The following SYNCRIP variants were observed in gnomAD, a reference collection of about 807,000 sequenced individuals.
SYNCRIP encodes the protein heterogeneous nuclear ribonucleoprotein Q.
SYNCRIP carries 9 observed loss-of-function variants against 68.9 expected under a neutral mutation model. That is an observed-to-expected ratio of 0.13 (90% CI 0.08 to 0.23). The LOEUF (loss-of-function observed/expected upper bound fraction) is 0.23. Among genes scored for constraint, SYNCRIP ranks in the 10% least tolerant of loss-of-function variants. The pLI, the probability that SYNCRIP is intolerant of heterozygous loss-of-function variation, is 1.00. For synonymous variants in SYNCRIP, 258 were observed against 254.0 expected (o/e 1.02, Z -0.15); for missense variants, 414 against 770.6 (o/e 0.54, Z 5.48).
chr6:85,621,734 G>C (rs1806432966), intron 8 of SYNCRIP, among the ~76,000 whole-genome samples: 1 of 152,096 alleles, frequency 6.6e-6, no homozygotes. Flanking sequence ...GACTGCTGAA[G>C]TCAGGATACC....
At chr6:85,626,938 A>C (rs1004408400) in intron 6 of SYNCRIP, among the ~76,000 whole-genome samples, 1 of 152,170 alleles carries the variant, frequency 6.6e-6, no homozygotes, top group Non-Finnish European at 1.5e-5. Flanking sequence ...CTATAAAATA[A>C]ACTGCTGATT....
At chr6:85,631,080 C>T (rs371364859) in intron 6 of SYNCRIP, among the ~76,000 whole-genome samples, 3 of 152,072 alleles carry the variant, frequency 2.0e-5, no homozygotes, top group African/African-American at 2.4e-5. Context: ...CGGTGGCTCA[C>T]GCCTGTAATC....
In SYNCRIP at chr6:85,614,898, C is replaced by T. The variant is rs747288971; in HGVS notation, c.1730G>A (p.Arg577Gln). The change falls in exon 11 of 11, where the codon CGG becomes CAG. Residue 577 changes from arginine to glutamine, a missense_variant. Coordinates refer to ENST00000369622, the MANE Select transcript of SYNCRIP (RefSeq NM_006372.5). ...ADGYNQPDSK[R>Q]RQTNNQNWGS... ...CCAGTTCTGATTATTGGTCTGGCGC[C>T]GCTTGGAATCTGGCTGGTTGTACCC... 1 of 1,614,178 alleles carries T rather than the reference C, an allele frequency of 6.2e-7. No individual in the cohort carries two copies. Among genetic ancestry groups the T allele is most frequent in the Non-Finnish European group, 8.5e-7 (1 of 1,180,034 alleles).
intron 2 of SYNCRIP, 111 bp from the exon 3 acceptor site, chr6:85,640,675 T>C: frequency 3.4e-6 from 2 of 584,460 alleles, no homozygotes. Context: ...TCTACTCCCC[T>C]CATCTATACC....
intron 6 of SYNCRIP, among the ~76,000 whole-genome samples, chr6:85,627,706 TTA>T (rs1225287103): frequency 2.0e-5 from 3 of 152,176 alleles, no homozygotes; most frequent in African/African-American, 7.2e-5. Flanking sequence ...ACAAAAAGTC[TTA>T]TCTTTCCTAC....
At chr6:85,628,644 A>G (rs1433383520) in intron 6 of SYNCRIP, among the ~76,000 whole-genome samples, 2 of 152,196 alleles carry the variant, frequency 1.3e-5, no homozygotes, top group Non-Finnish European at 2.9e-5. Flanking sequence ...CTAATTTTCC[A>G]CTTCTAGACA....
chr6:85,634,657 G>A (rs1433961415), intron 6 of SYNCRIP, among the ~76,000 whole-genome samples: 15 of 152,040 alleles, frequency 9.9e-5, no homozygotes, highest in Non-Finnish European at 5.9e-5. Flanking sequence ...AGGACCCACA[G>A]TAGAGAGAGC....
chr6:85,611,359 G>T (rs1411524813), downstream of SYNCRIP: 1 of 152,546 alleles, frequency 6.6e-6, no homozygotes, highest in Non-Finnish European at 1.5e-5. Flanking sequence ...AATGCAAAAT[G>T]ATTGTTTGCC....
intron 2 of SYNCRIP, among the ~76,000 whole-genome samples, chr6:85,640,865 CAACA>C (rs887908517): frequency 6.6e-6 from 1 of 152,156 alleles, no homozygotes; most frequent in Non-Finnish European, 1.5e-5. Flanking sequence ...TAGAATCAAC[CAACA>C]AAGTACCAAG....
At chr6:85,618,476 G>A (rs1583252027) in intron 10 of SYNCRIP, among the ~76,000 whole-genome samples, 1 of 152,152 alleles carries the variant, frequency 6.6e-6, no homozygotes, top group East Asian at 1.9e-4. Flanking sequence ...GGGAGGTGGA[G>A]GTTCCAGTGA....
chr6:85,619,161 T>C, intron 9 of SYNCRIP, 107 bp downstream of exon 9: 2 of 1,465,996 alleles, frequency 1.4e-6, no homozygotes, highest in South Asian at 2.5e-5. Context: ...TTTGAATGGA[T>C]TCCATGGACT....
intron 6 of SYNCRIP, among the ~76,000 whole-genome samples, chr6:85,631,347 A>AAAG (rs960153778): frequency 6.6e-6 from 1 of 151,924 alleles, no homozygotes; most frequent in African/African-American, 2.4e-5. Flanking sequence ...TCCAAAAAAA[A>AAAG]AAAAAAAAGG....
Position 85,636,999 on chromosome 6 carries a change from T to A in SYNCRIP, c.634A>T (p.Thr212Ser). ...ACAGCCTCCTGAGCTGCTTCTTTTG[T>A]ACAAAAAGTGACAAACGCATAACCT... ...NRGYAFVTFC[T>S]KEAAQEAVKL... is the part of the protein sequence containing the mutation. Residue 212 changes from threonine to serine, a missense_variant, in exon 6 of 11, where the codon ACA becomes TCA. Physicochemically the swap from Thr to Ser is moderately conservative, Grantham distance 58. Transcript: ENST00000369622. The A allele has an allele frequency of 6.2e-7, 1 of 1,611,296 alleles. No homozygotes were observed. Among genetic ancestry groups the A allele is most frequent in the South Asian group, 1.1e-5 (1 of 89,648 alleles).
At chr6:85,637,443 T>C (rs756948566) in intron 4 of SYNCRIP, 87 bp from the exon 5 acceptor site, 36 of 859,892 alleles carry the variant, frequency 4.2e-5, no homozygotes, top group Non-Finnish European at 5.7e-5. Flanking sequence ...TGCTCAAATC[T>C]TTCCAATTAT....
intron 6 of SYNCRIP, among the ~76,000 whole-genome samples, chr6:85,636,440 C>CA (rs1023175626): frequency 7.4e-4 from 101 of 136,460 alleles, no homozygotes; most frequent in Middle Eastern, 4.0e-3. Flanking sequence ...AACTTGGTCT[C>CA]AAAAAAAAAA....
chr6:85,631,450 T>C (rs1309429496), intron 6 of SYNCRIP, among the ~76,000 whole-genome samples: 1 of 151,692 alleles, frequency 6.6e-6, no homozygotes, highest in Non-Finnish European at 1.5e-5. Flanking sequence ...GATAGGGCCT[T>C]GTTTGTAAGT....
chr6:85,624,372 G>A (rs7749600), intron 6 of SYNCRIP, among the ~76,000 whole-genome samples: 18,094 of 152,056 alleles, frequency 0.12, 1,659 homozygotes, highest in African/African-American at 0.26. Flanking sequence ...TTCAAAAACT[G>A]CCAGTTCCTC....
intron 7 of SYNCRIP, 108 bp downstream of exon 7, chr6:85,623,869 G>C (rs1806739036): frequency 7.5e-7 from 1 of 1,341,006 alleles, no homozygotes; most frequent in Admixed American, 2.3e-5. Context: ...TTGTAGTGAG[G>C]ATTCGATGAG....
At chr6:85,642,303 G>A (rs983962889) in intron 1 of SYNCRIP, among the ~76,000 whole-genome samples, 1 of 152,136 alleles carries the variant, frequency 6.6e-6, no homozygotes, top group African/African-American at 2.4e-5. Flanking sequence ...GCCCGGCCGA[G>A]ACGTGACCCG....
Sources: allele counts gnomAD v4.1 joint callset (sites outside exome capture counted in the v4.1 genomes callset), GRCh38; gene constraint gnomAD v4.1.1; transcripts MANE v1.5; gene names NCBI Gene and HGNC (gene_info 2026-07-23, HGNC 2026-07-21).